Variants in STS observed in about 807,000 individuals in gnomAD.
The protein encoded by STS is steroid sulfatase, also known as steryl-sulfatase.
Under a neutral mutation model 26.8 loss-of-function variants are expected in STS, and 7 were observed. The ratio of observed to expected loss-of-function variants is 0.26; its 90% CI spans 0.15 to 0.49. STS has a LOEUF of 0.49. Among genes scored for constraint, STS ranks in the 20% least tolerant of loss-of-function variants. The probability of loss-of-function intolerance (pLI) is 0.98; values close to 1 mark genes in which losing one functional copy is unlikely to be tolerated. For synonymous variants in STS, 199 were observed against 189.4 expected (o/e 1.05, Z -0.42); for missense variants, 434 against 465.6 (o/e 0.93, Z 0.63).
Position 7,276,059 on chromosome X carries a change from T to A in STS, c.915T>A (p.Asp305Glu). Residue 305 changes from aspartate (D) to glutamate (E), a missense_variant, in exon 7 of 11, where the codon GAT (aspartate) becomes GAA (glutamate). This residue lies in a region of STS where 229 missense variants were observed against 288.3 expected (regional missense o/e 0.79). Coordinates refer to ENST00000674429, the MANE Select transcript of STS (RefSeq NM_001320752.2). ...AGKSQHGVYG[D>E]AVEEMDWSVG... ...AAAGTCAACACGGAGTCTACGGGGA[T>A]GCTGTTGAGGAAATGGACTGGAGTG... The A allele has an allele frequency of 2.5e-6, 3 of 1,208,428 alleles. No homozygotes were observed. Among genetic ancestry groups the A allele is most frequent in the Non-Finnish European group, 3.4e-6 (3 of 894,227 alleles).
At chrX:7,159,362 G>T (rs1435965255) in intron 1 of STS, among the ~76,000 whole-genome samples, 1 of 111,649 alleles carries the variant, frequency 9.0e-6, no homozygotes, top group African/African-American at 3.3e-5. Flanking sequence ...GGGGCTCTTG[G>T]CACTGTGTTG....
intron 8 of STS, among the ~76,000 whole-genome samples, chrX:7,313,009 T>C (rs1342483062): frequency 3.6e-5 from 4 of 112,203 alleles, no homozygotes; most frequent in African/African-American, 9.7e-5. Context: ...TTCCTTATTC[T>C]CAGAACAGAA....
intron 9 of STS, among the ~76,000 whole-genome samples, chrX:7,333,036 A>G (rs576455660): frequency 8.9e-6 from 1 of 112,379 alleles, no homozygotes; most frequent in South Asian, 3.7e-4. Context: ...AGCTCAAGGG[A>G]CATAGGACCT....
chrX:7,322,904 C>A (rs1316097577), intron 8 of STS, among the ~76,000 whole-genome samples: 1 of 112,218 alleles, frequency 8.9e-6, no homozygotes, highest in Non-Finnish European at 1.9e-5. Context: ...CCTGCCTCTG[C>A]CGGTACCCTT....
At chrX:7,263,371 G>A (rs1463329467) in intron 6 of STS, among the ~76,000 whole-genome samples, 5 of 112,752 alleles carry the variant, frequency 4.4e-5, no homozygotes, top group African/African-American at 1.6e-4. Flanking sequence ...GCCCGGCCAC[G>A]TTTGTATCTT....
At chrX:7,239,875 A>G (rs1922505757) in intron 2 of STS, among the ~76,000 whole-genome samples, 2 of 84,760 alleles carry the variant, frequency 2.4e-5, no homozygotes, top group African/African-American at 8.8e-5. Context: ...GTGGGATTCT[A>G]AGTGGCTTTT....
At chrX:7,169,298 C>G (rs1239978580) in intron 1 of STS, among the ~76,000 whole-genome samples, 1 of 112,217 alleles carries the variant, frequency 8.9e-6, no homozygotes, top group East Asian at 2.8e-4. Context: ...GATCTCTGAC[C>G]TTTCTTTTCC....
chrX:7,343,141 C>T (rs778803319), intron 10 of STS, among the ~76,000 whole-genome samples: 10 of 111,437 alleles, frequency 9.0e-5, no homozygotes, highest in Non-Finnish European at 1.7e-4. Context: ...CCCAAAATAT[C>T]TGTGTATACC....
intron 7 of STS, among the ~76,000 whole-genome samples, chrX:7,285,962 A>G (rs1349137422): frequency 1.8e-5 from 2 of 111,883 alleles, no homozygotes; most frequent in Non-Finnish European, 3.8e-5. Flanking sequence ...TACGAGGCAT[A>G]TTTTAAATAT....
chrX:7,236,135 T>C (rs1173884548), intron 2 of STS, among the ~76,000 whole-genome samples: 2 of 112,005 alleles, frequency 1.8e-5, no homozygotes, highest in Non-Finnish European at 3.8e-5. Context: ...ATGAAAACTG[T>C]GATAGTTATG....
At chrX:7,302,236 T>A (rs1925998255) in intron 7 of STS, among the ~76,000 whole-genome samples, 1 of 111,991 alleles carries the variant, frequency 8.9e-6, no homozygotes, top group African/African-American at 3.2e-5. Flanking sequence ...TAATCTGTGT[T>A]ATTTTACACA....
chrX:7,337,410 A>G (rs1205571294), intron 10 of STS, among the ~76,000 whole-genome samples: 1 of 111,554 alleles, frequency 9.0e-6, no homozygotes, highest in Non-Finnish European at 1.9e-5. Flanking sequence ...CGTGACTCTC[A>G]TCCATATGGA....
Position 7,350,008 on chromosome X carries a change from C to G in STS, c.1484C>G (p.Pro495Arg), listed in dbSNP as rs1224220058. The change falls in exon 11 of 11, where the codon CCT (proline) becomes CGT (arginine). Residue 495 changes from proline (P) to arginine (R), a missense_variant. Around this residue, in one of 2 missense-constraint regions of STS, gnomAD observed 205 missense variants for 177.3 expected, o/e 1.16. Coordinates refer to ENST00000674429, the MANE Select transcript of STS (RefSeq NM_001320752.2). ...AGTTATGTCACCCATCACGACCCAC[C>G]TTTACTCTTTGATATTTCCAAAGAT... is the stretch of plus-strand genomic sequence containing the variant. ...FGSYVTHHDP[P>R]LLFDISKDPR... The G allele has an allele frequency of 8.3e-7, 1 of 1,211,816 alleles. No homozygotes were observed. The highest frequency in any genetic ancestry group is 1.8e-5 in the South Asian group (1 of 56,988).
At chrX:7,165,534 G>A (rs1413762919) in intron 1 of STS, among the ~76,000 whole-genome samples, 3 of 110,825 alleles carry the variant, frequency 2.7e-5, no homozygotes, top group South Asian at 3.9e-4. Context: ...TAGTCCCAGC[G>A]ACTTGGGAGG....
chrX:7,322,007 C>T (rs747488615), intron 8 of STS, among the ~76,000 whole-genome samples: 6 of 112,545 alleles, frequency 5.3e-5, no homozygotes, highest in Admixed American at 1.9e-4. Flanking sequence ...AGGAAAACTG[C>T]CCCTTTGCCC....
At chrX:7,222,528 CAAAAAAAA>C (rs770658761) in intron 2 of STS, among the ~76,000 whole-genome samples, 520 of 39,417 alleles carry the variant, frequency 0.013, 9 homozygotes, top group African/African-American at 0.05. Context: ...CCCTCAGCTG[CAAAAAAAA>C]AAAAAAAAAA....
At chrX:7,173,361 T>A (rs1282762830) in intron 1 of STS, among the ~76,000 whole-genome samples, 1 of 111,879 alleles carries the variant, frequency 8.9e-6, no homozygotes, top group Non-Finnish European at 1.9e-5. Context: ...TTAGGTTGAT[T>A]CCATATCTTT....
At chrX:7,161,831 G>A (rs983832909) in intron 1 of STS, among the ~76,000 whole-genome samples, 1 of 111,517 alleles carries the variant, frequency 9.0e-6, no homozygotes, top group Non-Finnish European at 1.9e-5. Context: ...TTGTCTCAAG[G>A]AACACATGAC....
chrX:7,333,028 C>G (rs1399427495), intron 9 of STS, among the ~76,000 whole-genome samples: 4 of 112,151 alleles, frequency 3.6e-5, no homozygotes, highest in African/African-American at 9.7e-5. Flanking sequence ...TGGGAGAAAG[C>G]TCAAGGGACA....
Sources: allele counts gnomAD v4.1 joint callset (sites outside exome capture counted in the v4.1 genomes callset), GRCh38; gene constraint gnomAD v4.1.1; regional missense constraint gnomAD v4.1.1; transcripts MANE v1.5; gene names NCBI Gene and HGNC (gene_info 2026-07-23, HGNC 2026-07-21).